Variants in TMX2 observed in about 807,000 individuals in gnomAD.
The protein encoded by TMX2 is thioredoxin-related transmembrane protein 2.
In TMX2, 20 loss-of-function variants were observed where a neutral mutation model predicts 33.4. The observed-to-expected ratio is 0.60, with a 90% CI of 0.42 to 0.87. TMX2 has a LOEUF of 0.87. TMX2 is among the 40% of genes least tolerant of loss of function. The pLI is 0.00. For synonymous variants in TMX2, 166 were observed against 140.7 expected (o/e 1.18, Z -1.27); for missense variants, 340 against 370.7 (o/e 0.92, Z 0.68).
chr11:57,717,645 T>C (rs909207119), intron 1 of TMX2, among the ~76,000 whole-genome samples: 1 of 146,362 alleles, frequency 6.8e-6, no homozygotes, highest in Non-Finnish European at 1.5e-5. Context: ...TGAGCCGAGA[T>C]GGCAGCAGTA....
chr11:57,725,729 T>G (rs1947934313), intron 1 of TMX2, among the ~76,000 whole-genome samples: 1 of 151,436 alleles, frequency 6.6e-6, no homozygotes, highest in Non-Finnish European at 1.5e-5. Context: ...AGAGTGAGAC[T>G]CTTATCTCGA....
chr11:57,734,193 G>T lies in TMX2; in HGVS notation c.190-3415G>T, dbSNP rs1227032749. On this transcript the variant is annotated intron_variant, in intron 1 of 7. Transcript: ENST00000278422. ...AAAAAAAAAAAAAAAAAAAAGGACT[G>T]CAAGGGCACACACTTTCTTAACTGC... Among the ~76,000 whole-genome samples the T allele has an allele frequency of 2.9e-5, 4 of 137,338 alleles. 1 individual carries two copies. The highest frequency in any genetic ancestry group is 2.3e-4 in the Admixed American group (3 of 13,266). The allele number at this position is 137,338 out of a possible 152,430, so 90.1% of individuals were successfully genotyped here.
intron 7 of TMX2, among the ~76,000 whole-genome samples, chr11:57,739,547 C>T (rs952325750): frequency 2.0e-5 from 3 of 152,164 alleles, no homozygotes; most frequent in Non-Finnish European, 2.9e-5. Context: ...CACCTGAGGT[C>T]AGGAGTTTGA....
At chr11:57,734,866 T>G (rs1343207335) in intron 1 of TMX2, among the ~76,000 whole-genome samples, 1 of 152,032 alleles carries the variant, frequency 6.6e-6, no homozygotes, top group Non-Finnish European at 1.5e-5. Context: ...CAGGGCAGGG[T>G]GGCTCATGCC....
Position 57,740,417 on chromosome 11 carries a change from G to C in TMX2, c.*172G>C. On this transcript the variant is annotated 3_prime_UTR_variant, in exon 8 of 8. Transcript: ENST00000278422. Reference sequence around the variant, plus strand: ...CTAGGGAATTGTCAGGCACCCTACAGGAAGGCCTGCCATGCTGTGGCCAAC... The same window carrying C: ...CTAGGGAATTGTCAGGCACCCTACACGAAGGCCTGCCATGCTGTGGCCAAC... 1.4e-6 allele frequency: 1 copy of C among 739,416 alleles called. No individual in the cohort carries two copies. Among genetic ancestry groups the C allele is most frequent in the Non-Finnish European group, 2.1e-6 (1 of 485,026 alleles). 45.8% of individuals were successfully genotyped at this position (739,416 alleles called of 1,614,324 possible). A position where few individuals can be genotyped will look rare whatever the true frequency, so the allele number is the denominator to read the frequency against.
chr11:57,736,685 C>G (rs971987973), intron 1 of TMX2, among the ~76,000 whole-genome samples: 9 of 151,846 alleles, frequency 5.9e-5, no homozygotes, highest in African/African-American at 2.2e-4. Context: ...CTGAGGAGTT[C>G]CATACCAGCC....
intron 1 of TMX2, among the ~76,000 whole-genome samples, chr11:57,720,054 TGAAG>T (rs1947492532): frequency 6.7e-6 from 1 of 149,526 alleles, no homozygotes; most frequent in Admixed American, 6.8e-5. Context: ...TTTGGGAAGC[TGAAG>T]CAGGTGGATT....
At chr11:57,718,233 G>A (rs1480195845) in intron 1 of TMX2, 61 of 1,471,030 alleles carry the variant, frequency 4.1e-5, no homozygotes, top group Non-Finnish European at 5.8e-5. Context: ...TCCAGCAATT[G>A]CCATGGACAA....
intron 1 of TMX2, among the ~76,000 whole-genome samples, chr11:57,720,397 A>G (rs1363821377): frequency 6.6e-6 from 1 of 152,200 alleles, no homozygotes; most frequent in Non-Finnish European, 1.5e-5. Context: ...ATGGAAATTC[A>G]AAACAAAACT....
intron 1 of TMX2, among the ~76,000 whole-genome samples, chr11:57,735,190 A>G (rs1948666951): frequency 6.6e-6 from 1 of 151,630 alleles, no homozygotes; most frequent in Non-Finnish European, 1.5e-5. Context: ...AAAGTCTGTC[A>G]TGCTCCCTCA....
Position 57,739,016 on chromosome 11 carries a change from A to G in TMX2, c.591A>G (p.Gly197=), listed in dbSNP as rs1948921403. ...TGLNFGKVDV[G]RYTDVSTRYK... ...TAAATTTTGGGAAGGTGGATGTTGG[A>G]CGCTATACTGATGTTAGTACGCGGT... Residue 197 remains glycine, a synonymous_variant, in exon 6 of 8, where the codon GGA becomes GGG. Transcript: ENST00000278422. 4 of 1,614,010 alleles carry G rather than the reference A, an allele frequency of 2.5e-6. No homozygotes were observed. Among genetic ancestry groups the G allele is most frequent in the South Asian group, 2.2e-5 (2 of 91,074 alleles).
At chr11:57,718,423 A>G in intron 1 of TMX2, 2 of 1,299,440 alleles carry the variant, frequency 1.5e-6, no homozygotes, top group Non-Finnish European at 2.2e-6. Flanking sequence ...TGCTCAGAGC[A>G]CGAAAGTTTT....
intron 1 of TMX2, among the ~76,000 whole-genome samples, chr11:57,717,635 T>TA (rs1486285656): frequency 6.7e-6 from 1 of 149,690 alleles, no homozygotes; most frequent in Non-Finnish European, 1.5e-5. Flanking sequence ...GAGGTTGCAG[T>TA]GAGCCGAGAT....
chr11:57,739,040 G>A lies in TMX2; in HGVS notation c.614+1G>A. On this transcript the variant is annotated splice_donor_variant, in intron 6 of 7. Transcript: ENST00000278422. LOFTEE classifies it high-confidence loss of function. ...GACGCTATACTGATGTTAGTACGCG[G>A]TATGTAAAGACCTGGGCAGAGGGTC... The A allele has an allele frequency of 6.2e-7, 1 of 1,614,092 alleles. No individual in the cohort carries two copies. Among genetic ancestry groups the A allele is most frequent in the Non-Finnish European group, 8.5e-7 (1 of 1,180,018 alleles).
intron 1 of TMX2, among the ~76,000 whole-genome samples, chr11:57,733,958 C>CAGT (rs1277756059): frequency 6.6e-6 from 1 of 151,716 alleles, no homozygotes; most frequent in Admixed American, 6.6e-5. Context: ...ATCACAAGGT[C>CAGT]AGTAGATCGA....
Position 57,738,966 on chromosome 11 carries a change from C to G in TMX2, c.549-8C>G. 1 of 1,612,456 alleles carries G rather than the reference C, an allele frequency of 6.2e-7. No homozygotes were observed. Among genetic ancestry groups the G allele is most frequent in the Non-Finnish European group, 8.5e-7 (1 of 1,178,894 alleles). ...TTTTCAGCATATTAAATAATATATT[C>G]TTTTCAGATACAACTGTACAGGGCT... On this transcript the variant is annotated splice_region_variant and splice_polypyrimidine_tract_variant and intron_variant, in intron 5 of 7. Coordinates refer to ENST00000278422, the MANE Select transcript of TMX2 (RefSeq NM_015959.4).
At chr11:57,739,766 A>T (rs1948978524) in intron 7 of TMX2, among the ~76,000 whole-genome samples, 1 of 152,070 alleles carries the variant, frequency 6.6e-6, no homozygotes, top group South Asian at 2.1e-4. Context: ...AAAAAAAAAA[A>T]AGATTCTGTC....
chr11:57,724,645 C>T (rs561023675), intron 1 of TMX2, among the ~76,000 whole-genome samples: 1 of 148,634 alleles, frequency 6.7e-6, no homozygotes, highest in Admixed American at 6.7e-5. Flanking sequence ...GGGACCAGAA[C>T]ATAAAAACAT....
At chr11:57,712,999 C>T (rs963100869) in intron 1 of TMX2, among the ~76,000 whole-genome samples, 192 bp downstream of exon 1, 4 of 152,218 alleles carry the variant, frequency 2.6e-5, no homozygotes, top group Admixed American at 6.5e-5. Flanking sequence ...GAAAACGGAA[C>T]ATGTTAGTCG....
Sources: allele counts gnomAD v4.1 joint callset (sites outside exome capture counted in the v4.1 genomes callset), GRCh38; gene constraint gnomAD v4.1.1; transcripts MANE v1.5; gene names NCBI Gene and HGNC (gene_info 2026-07-23, HGNC 2026-07-21).